The following EIF3F variants were observed in gnomAD, a reference collection of about 807,000 sequenced individuals.
The protein encoded by EIF3F is deubiquitinating enzyme eIF3f.
In EIF3F, 8 loss-of-function variants were observed where a neutral mutation model predicts 36.0. The ratio of observed to expected loss-of-function variants is 0.22; its 90% confidence interval spans 0.13 to 0.40. EIF3F has a LOEUF of 0.40. EIF3F is among the 10% of genes least tolerant of loss of function. The pLI is 1.00. For synonymous variants in EIF3F, 184 were observed against 188.5 expected, an observed-to-expected ratio of 0.98 and a Z score of 0.19; for missense variants, 430 against 467.6, an observed-to-expected ratio of 0.92 and a Z score of 0.74.
chr11:7,991,211 AAAAG>A (rs925759476), intron 1 of EIF3F, among the ~76,000 whole-genome samples: 8 of 152,108 alleles, frequency 5.3e-5, no homozygotes, highest in Admixed American at 2.0e-4. Flanking sequence ...AAAAAAGAAA[AAAAG>A]AAATATGGAA....
intron 6 of EIF3F, 34 bp downstream of exon 6, chr11:7,995,152 C>CAT (rs773585895): frequency 2.1e-5 from 34 of 1,611,184 alleles, no homozygotes; most frequent in South Asian, 1.1e-4. Flanking sequence ...AGGGGGAGGA[C>CAT]ATAGTTCTCT....
In EIF3F at chr11:7,992,112, A is replaced by G. The variant is rs781580386; in HGVS notation, c.464A>G (p.Asn155Ser). The change falls in exon 3 of 8, where the codon AAT (asparagine) becomes AGT (serine). Residue 155 changes from asparagine (N) to serine (S), a missense_variant. By Grantham distance (46) the Asn-to-Ser change is conservative (BLOSUM62 1). Coordinates refer to ENST00000651655, the MANE Select transcript of EIF3F (RefSeq NM_003754.3). The stretch of plus-strand genomic sequence containing the variant: ...GCTGTTGACATGGAATTTGCTAAGA[A>G]TATGTATGAACTGCATAAAAAAGTT... ...EVAVDMEFAK[N>S]MYELHKKVSP... 2 of 1,613,922 alleles carry G rather than the reference A, an allele frequency of 1.2e-6. No homozygotes were observed. Among genetic ancestry groups the G allele is most frequent in the Non-Finnish European group, 1.7e-6 (2 of 1,180,022 alleles).
Position 7,987,450 on chromosome 11 carries a change from C to G in EIF3F, c.98C>G (p.Pro33Arg), listed in dbSNP as rs946429530. 1 of 1,603,374 alleles carries G rather than the reference C, an allele frequency of 6.2e-7. No individual in the cohort carries two copies. Among genetic ancestry groups the G allele is most frequent in the Non-Finnish European group, 8.5e-7 (1 of 1,179,010 alleles). ...PASVPAPTPA[P>R]AAAPVPAAAP... The stretch of plus-strand genomic sequence containing the variant: ...TCAGTTCCAGCGCCAACGCCAGCAC[C>G]GGCTGCGGCTCCGGTTCCCGCTGCG... The change falls in exon 1 of 8, where the codon CCG (proline) becomes CGG (arginine). Residue 33 changes from proline to arginine, a missense_variant. Pro to Arg is a moderately radical substitution (Grantham distance 103). Transcript: ENST00000651655.
At chr11:7,992,209 T>C (rs749738368) in intron 3 of EIF3F, 46 bp downstream of exon 3, 25 of 1,494,730 alleles carry the variant, frequency 1.7e-5, no homozygotes, top group Non-Finnish European at 2.3e-5. Flanking sequence ...GGTCTCTTCG[T>C]GATTGCCGGT....
chr11:8,000,541 A>T lies in EIF3F; in HGVS notation c.*4519A>T, dbSNP rs1168613537. ...TGCTAGGAGTAGATCTCACCAGGAG[A>T]AATGAATATGTGAGGTGATGGATGT... On this transcript the variant is annotated 3_prime_UTR_variant, in exon 8 of 8. Coordinates refer to ENST00000651655, the MANE Select transcript of EIF3F (RefSeq NM_003754.3). 1 of 151,612 alleles carries T rather than the reference A, an allele frequency of 6.6e-6. No homozygotes were observed. Among genetic ancestry groups the T allele is most frequent in the Non-Finnish European group, 1.5e-5 (1 of 67,876 alleles). The allele number at this position is 151,612 out of a possible 1,614,324, so 9.4% of individuals were successfully genotyped here.
chr11:7,992,592 A>C, intron 3 of EIF3F: 2 of 462,852 alleles, frequency 4.3e-6, no homozygotes, highest in Non-Finnish European at 3.9e-6. Flanking sequence ...AACAAAAGGA[A>C]AGTGTGTTAC....
rs754378933 is a variant in EIF3F at position 7,995,096 on chromosome 11, T to G, written c.860T>G (p.Leu287Trp). 2.5e-6 allele frequency: 4 copies of G among 1,613,990 alleles called. No individual in the cohort carries two copies. The highest frequency in any genetic ancestry group is 3.4e-6 in the Non-Finnish European group (4 of 1,179,932). Residue 287 changes from leucine (L) to tryptophan (W), a missense_variant, in exon 6 of 8, where the codon TTG becomes TGG. Leu to Trp is a moderately conservative substitution (Grantham distance 61). This residue lies in a region of EIF3F where 262 missense variants were observed against 347.4 expected (regional missense o/e 0.75). Coordinates refer to ENST00000651655, the MANE Select transcript of EIF3F (RefSeq NM_003754.3). ...ARIQDALSTV[L>W]QYAEDVLSGK... Reference sequence around the variant, plus strand: ...ATCCAGGATGCCCTGAGTACAGTGTTGCAATATGCAGAGGATGTACTGGTG... The same window carrying G: ...ATCCAGGATGCCCTGAGTACAGTGTGGCAATATGCAGAGGATGTACTGGTG...
chr11:7,994,912 G>A (rs1178167426), intron 5 of EIF3F, 70 bp from the exon 6 acceptor site: 4 of 1,588,162 alleles, frequency 2.5e-6, no homozygotes, highest in Middle Eastern at 2.3e-4. Flanking sequence ...CTCTTTCCTG[G>A]TGGGATGACT....
At position 7,992,183 on chromosome 11, in the gene EIF3F, G is replaced by C. The variant is rs377659463; in HGVS notation, c.515+20G>C. On this transcript the variant is annotated intron_variant, in intron 3 of 7. Transcript: ENST00000651655. The stretch of plus-strand genomic sequence containing the variant: ...GGGCTGGTAAGTTGGGGAGGTGGGG[G>C]CTGGGGTTAATGGAAGGTCTCTTCG... The C allele has an allele frequency of 6.3e-7, 1 of 1,599,610 alleles. No individual in the cohort carries two copies. Among genetic ancestry groups the C allele is most frequent in the East Asian group, 2.2e-5 (1 of 44,834 alleles).
intron 7 of EIF3F, chr11:7,995,619 G>C: frequency 1.7e-6 from 1 of 581,090 alleles, no homozygotes; most frequent in Admixed American, 3.0e-5. Flanking sequence ...GTCTAAATTC[G>C]TGATGGAAAG....
At chr11:7,989,504 C>T (rs1189247468) in intron 1 of EIF3F, among the ~76,000 whole-genome samples, 1 of 152,150 alleles carries the variant, frequency 6.6e-6, no homozygotes, top group Non-Finnish European at 1.5e-5. Context: ...CTTAGATATA[C>T]ACAAAACATT....
rs1056016072 is a variant in EIF3F, at chr11:8,001,786, CTT to C, written c.*5767_*5768del. The C allele has an allele frequency of 7.9e-5, 12 of 151,996 alleles. No individual in the cohort carries two copies. The highest frequency in any genetic ancestry group is 1.3e-4 in the Non-Finnish European group (9 of 68,018). 9.4% of individuals were successfully genotyped at this position (151,996 alleles called of 1,614,324 possible). A position where few individuals can be genotyped will look rare whatever the true frequency, so the allele number is the denominator to read the frequency against. On this transcript the variant is annotated 3_prime_UTR_variant, in exon 8 of 8. Transcript: ENST00000651655. Reference sequence around the variant, plus strand: ...ACTTCTTATTGTTTCTTCTGTATAACTTTTGAATTTTATGCTGTTAATGTAAT... The same window carrying C: ...ACTTCTTATTGTTTCTTCTGTATAACTTGAATTTTATGCTGTTAATGTAAT...
Position 8,000,504 on chromosome 11 carries a change from A to G in EIF3F, c.*4482A>G, listed in dbSNP as rs952585887. The stretch of plus-strand genomic sequence containing the variant: ...GTGCAGCAGGGTGACTAGTTAATGT[A>G]TACTTGAAAATTGCTAGGAGTAGAT... On this transcript the variant is annotated 3_prime_UTR_variant, in exon 8 of 8. Coordinates refer to ENST00000651655, the MANE Select transcript of EIF3F (RefSeq NM_003754.3). The G allele has an allele frequency of 6.6e-6, 1 of 152,224 alleles. No homozygotes were observed. The allele number at this position is 152,224 out of a possible 1,614,324, so 9.4% of individuals were successfully genotyped here. A position where few individuals can be genotyped will look rare whatever the true frequency, so the allele number is the denominator to read the frequency against.
intron 1 of EIF3F, among the ~76,000 whole-genome samples, chr11:7,990,757 TC>T (rs1942081991): frequency 6.6e-6 from 1 of 152,080 alleles, no homozygotes; most frequent in South Asian, 2.1e-4. Flanking sequence ...CACTGTGGTT[TC>T]TGGTGGAGAG....
intron 1 of EIF3F, among the ~76,000 whole-genome samples, chr11:7,988,653 T>G (rs1942055997): frequency 6.6e-6 from 1 of 152,236 alleles, no homozygotes; most frequent in Admixed American, 6.5e-5. Context: ...TTCTTTCTCT[T>G]TCATACTCTT....
chr11:7,997,356 G>T lies in EIF3F; in HGVS notation c.*1334G>T, dbSNP rs1434943336. On this transcript the variant is annotated 3_prime_UTR_variant, in exon 8 of 8. Coordinates refer to ENST00000651655, the MANE Select transcript of EIF3F (RefSeq NM_003754.3). The stretch of plus-strand genomic sequence containing the variant: ...CAACTTAGTCTTTTTAAGTATGCAT[G>T]ATAAAATTCCGAGGTTAATTGCTAG... The T allele has an allele frequency of 6.6e-6, 1 of 152,180 alleles. No individual in the cohort carries two copies. The highest frequency in any genetic ancestry group is 2.4e-5 in the African/African-American group (1 of 41,438). The allele number at this position is 152,180 out of a possible 1,614,324, so 9.4% of individuals were successfully genotyped here.
chr11:7,990,652 G>A (rs981172125), intron 1 of EIF3F, among the ~76,000 whole-genome samples: 1 of 152,126 alleles, frequency 6.6e-6, no homozygotes, highest in African/African-American at 2.4e-5. Flanking sequence ...TAAGATAAAG[G>A]ATATATGTGC....
intron 1 of EIF3F, among the ~76,000 whole-genome samples, chr11:7,988,672 A>G (rs1025588910): frequency 3.3e-5 from 5 of 152,200 alleles, no homozygotes; most frequent in African/African-American, 9.7e-5. Flanking sequence ...TTGAACATCT[A>G]CTAGTTCTTA....
At chr11:7,995,461 G>A (rs547340999) in intron 7 of EIF3F, 94 bp downstream of exon 7, 1 of 1,014,542 alleles carries the variant, frequency 9.9e-7, no homozygotes, top group East Asian at 2.4e-5. Flanking sequence ...AGGTGACCTG[G>A]AGTAGGATAG....
Sources: gnomAD v4.1 joint callset for allele counts (sites outside exome capture counted in the v4.1 genomes callset) on GRCh38, gnomAD v4.1.1 for gene constraint, gnomAD v4.1.1 regional missense constraint, MANE v1.5 for transcripts, NCBI Gene and HGNC (gene_info 2026-07-23, HGNC 2026-07-21) for gene names.